RUNX1T1: variants seen among roughly 807,000 people sequenced by gnomAD.
The protein encoded by RUNX1T1 is RUNX1 partner transcriptional co-repressor 1, also known as protein CBFA2T1.
RUNX1T1 carries 4 observed loss-of-function variants against 62.8 expected under a neutral mutation model. That is an observed-to-expected ratio of 0.06 (90% CI 0.03 to 0.15). The LOEUF (loss-of-function observed/expected upper bound fraction) is 0.15, where lower values mean the gene tolerates loss of function less well. Ranked by LOEUF, RUNX1T1 falls within the 10% of genes least tolerant of loss-of-function variation. The pLI, the probability that RUNX1T1 is intolerant of heterozygous loss-of-function variation, is 1.00. For missense variants in RUNX1T1, 508 were observed against 754.3 expected (o/e 0.67, Z 3.82); for synonymous variants, 291 against 286.0 (o/e 1.02, Z -0.18).
exon 11 of RUNX1T1, chr8:91,959,979 T>G: frequency 2.0e-6 from 1 of 490,500 alleles, no homozygotes. Flanking sequence ...TATCATTTCA[T>G]GTTATATTCT....
At chr8:91,980,826 C>G (rs1459838936) in intron 8 of RUNX1T1, among the ~76,000 whole-genome samples, 1 of 152,060 alleles carries the variant, frequency 6.6e-6, no homozygotes, top group Non-Finnish European at 1.5e-5. Context: ...CATGCACCAT[C>G]ATGCCCAGCT....
chr8:92,062,842 G>A, exon 1 of RUNX1T1: 3 of 1,419,920 alleles, frequency 2.1e-6, no homozygotes, highest in Admixed American at 2.8e-5. Flanking sequence ...AGGGATGTGT[G>A]TGCAAAGTAT....
chr8:91,964,204 A>C lies in RUNX1T1; in HGVS notation c.1459-3687T>G, dbSNP rs565241371. On this transcript the variant is annotated intron_variant, in intron 10 of 10. Transcript: ENST00000396218. ...ATTCGACACTTTGTTTCAAATCAGC[A>C]TTTCTCTTTGTCCCTAAGAAAAACA... Among the ~76,000 whole-genome samples, 4 of 152,266 alleles carry C rather than the reference A, an allele frequency of 2.6e-5. No individual in the cohort carries two copies. In the East Asian group the frequency reaches 7.7e-4, roughly 29 times the overall value.
chr8:92,022,488 C>T (rs897639918), intron 1 of RUNX1T1, among the ~76,000 whole-genome samples: 1 of 152,188 alleles, frequency 6.6e-6, no homozygotes. Context: ...GGGAGGCACT[C>T]AGCCCATAAG....
intron 10 of RUNX1T1, among the ~76,000 whole-genome samples, chr8:91,964,477 T>C (rs1183220231): frequency 6.6e-6 from 1 of 152,272 alleles, no homozygotes; most frequent in East Asian, 1.9e-4. Context: ...AGGCAACACA[T>C]TGACTTAAAT....
intron 1 of RUNX1T1, among the ~76,000 whole-genome samples, chr8:92,029,028 A>G (rs926063852): frequency 3.9e-5 from 6 of 152,236 alleles, no homozygotes; most frequent in Non-Finnish European, 8.8e-5. Flanking sequence ...ACGGTAGCAC[A>G]GACACTCAGT....
exon 11 of RUNX1T1, chr8:91,959,465 T>C (rs1175636287): frequency 2.0e-4 from 18 of 91,304 alleles, no homozygotes; most frequent in African/African-American, 1.1e-3. Flanking sequence ...TGTGTGTGTG[T>C]GTATATGTGC....
chr8:92,009,995 A>C (rs1821616753), intron 4 of RUNX1T1: 1 of 152,200 alleles, frequency 6.6e-6, no homozygotes, highest in African/African-American at 2.4e-5. Context: ...ATTGGGGCTC[A>C]TTTCAGACAA....
At chr8:91,959,403 GTCTC>G (rs1296274795) in exon 11 of RUNX1T1, 1 of 217,660 alleles carries the variant, frequency 4.6e-6, no homozygotes, top group Admixed American at 5.9e-5. Context: ...TGCAGGCTGA[GTCTC>G]TTACTTGTGT....
intron 5 of RUNX1T1, among the ~76,000 whole-genome samples, chr8:92,004,013 G>T (rs1820256485): frequency 6.6e-6 from 1 of 152,210 alleles, no homozygotes; most frequent in Admixed American, 6.5e-5. Flanking sequence ...CTGCTTAACA[G>T]AGGATTATGT....
upstream of RUNX1T1, chr8:92,103,286 C>T (rs758763998): frequency 8.5e-5 from 19 of 223,066 alleles, no homozygotes; most frequent in Non-Finnish European, 1.6e-4. Context: ...CGCCCGCCCT[C>T]GCTCACTCTC....
chr8:92,005,502 C>T (rs1172437215), intron 4 of RUNX1T1: 1 of 524,950 alleles, frequency 1.9e-6, no homozygotes, highest in Non-Finnish European at 3.3e-6. Context: ...GGTGACTGAC[C>T]CTTGTACATC....
At chr8:91,970,605 C>A in intron 10 of RUNX1T1, 53 bp downstream of exon 11, 1 of 1,456,426 alleles carries the variant, frequency 6.9e-7, no homozygotes, top group Non-Finnish European at 9.3e-7. Flanking sequence ...AGAATGAGCA[C>A]TCTAATGAAT....
At chr8:92,008,386 T>TCACACACACACACACA (rs1320545508) in intron 4 of RUNX1T1, among the ~76,000 whole-genome samples, 1 of 49,100 alleles carries the variant, frequency 2.0e-5, no homozygotes, top group African/African-American at 7.5e-5. Flanking sequence ...TCTCTCTCTC[T>TCACACACACACACACA]CTCACACACA....
chr8:91,959,412 T>TGTGTGTG (rs1554588350), exon 11 of RUNX1T1: 16 of 139,494 alleles, frequency 1.1e-4, no homozygotes, highest in East Asian at 3.4e-4. Context: ...AGTCTCTTAC[T>TGTGTGTG]TGTGTGTGTG....
At chr8:92,027,616 A>C (rs1185722971) in intron 1 of RUNX1T1, among the ~76,000 whole-genome samples, 1 of 152,186 alleles carries the variant, frequency 6.6e-6, no homozygotes, top group East Asian at 1.9e-4. Context: ...TTCTCAGTTC[A>C]GGTGATCAGT....
chr8:91,961,231 A>T (rs1190766762), intron 10 of RUNX1T1, among the ~76,000 whole-genome samples: 1 of 152,230 alleles, frequency 6.6e-6, no homozygotes, highest in East Asian at 1.9e-4. Context: ...TGATAGATAG[A>T]AGTGTTCAAT....
rs995612678 is a variant in RUNX1T1 at position 92,084,103 on chromosome 8, G to C, written c.-85-7966C>G. ...ATCACACACCGGGGCCTGTCGGGGT[G>C]GGGGGCTAAGGGAGGGACAGCATTA... is the stretch of plus-strand genomic sequence containing the variant. On this transcript the variant is annotated intron_variant, in intron 1 of 11. Transcript: ENST00000265814. Among the ~76,000 whole-genome samples, 38 of 152,054 alleles carry C rather than the reference G, an allele frequency of 2.5e-4. 1 individual carries two copies. Among genetic ancestry groups the C allele is most frequent in the Admixed American group, 2.1e-3 (32 of 15,274 alleles).
At position 92,085,226 on chromosome 8, in the gene RUNX1T1, G is replaced by A. The variant is rs2067489; in HGVS notation, c.-85-9089C>T. On this transcript the variant is annotated intron_variant, in intron 1 of 11. Transcript: ENST00000265814. ...CATCACTTCCCTCTGGAAGGGCAGA[G>A]GCCCAGACCAGTCAACCTGGGCGAC... Among the ~76,000 whole-genome samples the A allele has an allele frequency of 7.3e-3, 1,106 of 152,322 alleles. 64 individuals are homozygous for A. The East Asian group carries it at 0.14, about 20-fold the overall frequency.
Sources: gnomAD v4.1 joint callset for allele counts (sites outside exome capture counted in the v4.1 genomes callset) on GRCh38, gnomAD v4.1.1 for gene constraint, MANE v1.5 for transcripts, NCBI Gene and HGNC (gene_info 2026-07-23, HGNC 2026-07-21) for gene names.